Variants in NFATC1 observed in about 807,000 individuals in gnomAD.
NFATC1 encodes the protein nuclear factor of activated T cells 1.
In NFATC1, 22 loss-of-function variants were observed where a neutral mutation model predicts 76.0. The observed-to-expected ratio is 0.29, with a 90% CI of 0.21 to 0.41. The LOEUF is 0.41. Among genes scored for constraint, NFATC1 ranks in the 10% least tolerant of loss-of-function variants. The pLI is 1.00. For synonymous variants in NFATC1, 704 were observed against 613.1 expected (o/e 1.15, Z -2.19); for missense variants, 1,357 against 1,337.7 (o/e 1.01, Z -0.23).
At position 79,411,212 on chromosome 18, in the gene NFATC1, G is replaced by C; in HGVS notation, c.937G>C (p.Val313Leu). Residue 313 changes from valine (V) to leucine (L), a missense_variant, in exon 2 of 10, where the codon GTG becomes CTG. Coordinates refer to ENST00000427363, the MANE Select transcript of NFATC1 (RefSeq NM_001278669.2). ...CACCCAGTACACCAGCTCGGCCATC[G>C]TGGCCGCCATCAACGCGCTGACCAC... is the stretch of plus-strand genomic sequence containing the variant. ...NTTQYTSSAIVAAINALTTDS... is the reference protein window; with the variant it reads ...NTTQYTSSAILAAINALTTDS... The C allele has an allele frequency of 6.2e-7, 1 of 1,608,492 alleles. No individual in the cohort carries two copies.
chr18:79,407,074 C>T (rs1220676492), intron 1 of NFATC1, among the ~76,000 whole-genome samples: 1 of 152,202 alleles, frequency 6.6e-6, no homozygotes, highest in Non-Finnish European at 1.5e-5. Context: ...TTTGCCTGGC[C>T]CAGAGCCCCC....
chr18:79,448,676 AG>A, intron 3 of NFATC1, 105 bp from the exon 4 acceptor site: 1 of 1,019,990 alleles, frequency 9.8e-7, no homozygotes, highest in Non-Finnish European at 1.5e-6. Flanking sequence ...GGGGCAGGGC[AG>A]GGGGACACAG....
intron 6 of NFATC1, among the ~76,000 whole-genome samples, chr18:79,452,952 G>C (rs142696975): frequency 6.6e-6 from 1 of 152,228 alleles, no homozygotes; most frequent in African/African-American, 2.4e-5. Context: ...ACAGTTTGCC[G>C]GAAACTTAAG....
chr18:79,494,271 C>T (rs1290888181), intron 9 of NFATC1, among the ~76,000 whole-genome samples: 4 of 146,004 alleles, frequency 2.7e-5, no homozygotes, highest in Non-Finnish European at 6.1e-5. Context: ...CCCCCATGAA[C>T]CTGGTACCGC....
intron 3 of NFATC1, among the ~76,000 whole-genome samples, chr18:79,445,466 A>G (rs2087167985): frequency 6.6e-6 from 1 of 152,174 alleles, no homozygotes; most frequent in Non-Finnish European, 1.5e-5. Context: ...TGAGAGACGC[A>G]CCACGGCCTT....
At chr18:79,478,185 C>T (rs757403702) in intron 8 of NFATC1, among the ~76,000 whole-genome samples, 4 of 149,968 alleles carry the variant, frequency 2.7e-5, no homozygotes, top group African/African-American at 7.4e-5. Context: ...CAGGAGCTGC[C>T]GGGCACCAAC....
chr18:79,501,214 A>G (rs1014842570), intron 9 of NFATC1, among the ~76,000 whole-genome samples: 1 of 152,214 alleles, frequency 6.6e-6, no homozygotes, highest in Non-Finnish European at 1.5e-5. Context: ...TTAATAGAAA[A>G]AGGACAGAAA....
chr18:79,412,296 G>A lies in NFATC1; in HGVS notation c.1226+795G>A, dbSNP rs2085719293. ...GCTTTCTGCTCTGGGATTTTTATCT[G>A]AGGCATGAAAACGTCCGTGCAGGAG... On this transcript the variant is annotated intron_variant, in intron 2 of 9. Coordinates refer to ENST00000427363, the MANE Select transcript of NFATC1 (RefSeq NM_001278669.2). Among the ~76,000 whole-genome samples the A allele has an allele frequency of 2.6e-5, 4 of 152,368 alleles. 1 individual carries two copies. The highest frequency in any genetic ancestry group is 2.6e-4 in the Admixed American group (4 of 15,310).
Position 79,486,860 on chromosome 18 carries a change from G to C in NFATC1, c.2705G>C (p.Gly902Ala). ...PRLLPEVHEDGSPNLAPIPVT... is the reference protein window; with the variant it reads ...PRLLPEVHEDASPNLAPIPVT... ...CTGCTGCCAGAGGTGCATGAGGACG[G>C]TAGTCCTAATTTGGCCCCTATTCCT... is the stretch of plus-strand genomic sequence containing the variant. Residue 902 changes from glycine (G) to alanine (A), a missense_variant, in exon 9 of 10, where the codon GGT (glycine) becomes GCT (alanine). This residue lies in a region of NFATC1 where 424 missense variants were observed against 395.4 expected (regional missense o/e 1.07). Coordinates refer to ENST00000427363, the MANE Select transcript of NFATC1 (RefSeq NM_001278669.2). The C allele has an allele frequency of 6.2e-7, 1 of 1,611,884 alleles. No individual in the cohort carries two copies. The highest frequency in any genetic ancestry group is 8.5e-7 in the Non-Finnish European group (1 of 1,179,520).
intron 7 of NFATC1, among the ~76,000 whole-genome samples, chr18:79,463,812 G>A (rs1010122207): frequency 3.3e-5 from 5 of 152,180 alleles, no homozygotes; most frequent in African/African-American, 7.2e-5. Flanking sequence ...CGCCAGCCCC[G>A]CACATGCACG....
chr18:79,443,021 T>A (rs2087043258), intron 3 of NFATC1, among the ~76,000 whole-genome samples: 1 of 152,090 alleles, frequency 6.6e-6, no homozygotes, highest in Non-Finnish European at 1.5e-5. Context: ...CCAAGAGACT[T>A]ATGTTGAAAC....
At chr18:79,402,413 G>A (rs935468598) in intron 1 of NFATC1, 23 of 984,778 alleles carry the variant, frequency 2.3e-5, no homozygotes, top group East Asian at 1.1e-4. Context: ...GGCACCCACC[G>A]GGCTCATTCC....
In NFATC1 at chr18:79,449,035, G is replaced by A. The variant is rs761580317; in HGVS notation, c.1589+51G>A. Reference sequence around the variant, plus strand: ...CTGGCAGGGGGCGGTAGGAGGGGGCGTGCCTCCCTCCCAGTCCCGGGGGGT... The same window carrying A: ...CTGGCAGGGGGCGGTAGGAGGGGGCATGCCTCCCTCCCAGTCCCGGGGGGT... On this transcript the variant is annotated intron_variant, in intron 4 of 9. Transcript: ENST00000427363. 47 of 1,571,002 alleles carry A rather than the reference G, an allele frequency of 3.0e-5. 1 individual carries two copies. In the Admixed American group the frequency reaches 3.1e-4, roughly 10 times the overall value.
intron 9 of NFATC1, among the ~76,000 whole-genome samples, chr18:79,522,081 T>TGG (rs539643316): frequency 3.2e-5 from 1 of 31,138 alleles, no homozygotes; most frequent in African/African-American, 1.4e-4. Context: ...GTGTGTCTGT[T>TGG]GGGGGGGGCC....
At chr18:79,463,821 C>CGCGGGTT (rs1049075947) in intron 7 of NFATC1, among the ~76,000 whole-genome samples, 1 of 152,062 alleles carries the variant, frequency 6.6e-6, no homozygotes, top group Non-Finnish European at 1.5e-5. Flanking sequence ...CGCACATGCA[C>CGCGGGTT]GCGGGTTGCG....
At chr18:79,513,301 G>T (rs1043801936) in intron 9 of NFATC1, among the ~76,000 whole-genome samples, 1 of 152,150 alleles carries the variant, frequency 6.6e-6, no homozygotes, top group Non-Finnish European at 1.5e-5. Context: ...GTGGCAGAGG[G>T]CACCTTGGCC....
At position 79,396,352 on chromosome 18, in the gene NFATC1, G is replaced by T; in HGVS notation, c.127+1G>T. The T allele has an allele frequency of 7.4e-7, 1 of 1,348,020 alleles. No individual in the cohort carries two copies. The highest frequency in any genetic ancestry group is 1.7e-5 in the South Asian group (1 of 58,614). The allele number at this position is 1,348,020 out of a possible 1,614,324, so 83.5% of individuals were successfully genotyped here. On this transcript the variant is annotated splice_donor_variant, in intron 1 of 9. Coordinates refer to ENST00000427363, the MANE Select transcript of NFATC1 (RefSeq NM_001278669.2). LOFTEE classifies it high-confidence loss of function. The stretch of plus-strand genomic sequence containing the variant: ...GGCACCATGAAGTCAGCGGAGGAAG[G>T]TAAGCCCCGCGCGGCCTCCGCCCCC...
At chr18:79,422,004 C>A (rs2086110310) in intron 2 of NFATC1, 1 of 152,222 alleles carries the variant, frequency 6.6e-6, no homozygotes, top group Admixed American at 6.5e-5. Context: ...TTTGAAAGAT[C>A]CCTTTAGGTG....
intron 8 of NFATC1, among the ~76,000 whole-genome samples, chr18:79,475,756 AAAGGG>A (rs2089041130): frequency 6.6e-6 from 1 of 152,226 alleles, no homozygotes; most frequent in Non-Finnish European, 1.5e-5. Flanking sequence ...GCTCCAATTG[AAAGGG>A]AGGTCCGAGA....
Sources: allele counts gnomAD v4.1 joint callset (sites outside exome capture counted in the v4.1 genomes callset), GRCh38; gene constraint gnomAD v4.1.1; regional missense constraint gnomAD v4.1.1; transcripts MANE v1.5; gene names NCBI Gene and HGNC (gene_info 2026-07-23, HGNC 2026-07-21).